The following NALF1 variants were observed in gnomAD, a reference collection of about 807,000 sequenced individuals.
NALF1 encodes family with sequence similarity 155 member A.
Under a neutral mutation model 48.4 loss-of-function variants are expected in NALF1, and 3 were observed. That is an observed-to-expected ratio of 0.06 (90% CI 0.03 to 0.16). The LOEUF is 0.16. Among genes scored for constraint, NALF1 ranks in the 10% least tolerant of loss-of-function variants. The pLI, the probability that NALF1 is intolerant of heterozygous loss-of-function variation, is 1.00. For missense variants in NALF1, 526 were observed against 571.5 expected, an observed-to-expected ratio of 0.92 and a Z score of 0.81; for synonymous variants, 262 against 245.7, an observed-to-expected ratio of 1.07 and a Z score of -0.62.
At chr13:107,631,230 T>A (rs770057319) in intron 1 of NALF1, among the ~76,000 whole-genome samples, 1 of 152,062 alleles carries the variant, frequency 6.6e-6, no homozygotes, top group Admixed American at 6.6e-5. Context: ...TTTTAATGCA[T>A]AAGTAATAAT....
At chr13:107,837,649 G>A (rs965281504) in intron 1 of NALF1, among the ~76,000 whole-genome samples, 1 of 151,934 alleles carries the variant, frequency 6.6e-6, no homozygotes, top group Non-Finnish European at 1.5e-5. Context: ...ATCATCTGGG[G>A]AGGGTTTTGG....
chr13:107,604,520 T>C (rs185031290), intron 1 of NALF1, among the ~76,000 whole-genome samples: 3 of 152,270 alleles, frequency 2.0e-5, no homozygotes, highest in Non-Finnish European at 2.9e-5. Flanking sequence ...TTCAGAAAAG[T>C]ATAGGATGCA....
chr13:107,292,162 C>T (rs918826968), intron 1 of NALF1, among the ~76,000 whole-genome samples: 1 of 152,126 alleles, frequency 6.6e-6, no homozygotes, highest in Non-Finnish European at 1.5e-5. Context: ...CTGAATACTA[C>T]AGGCAAATGC....
At chr13:107,789,719 C>T (rs1878176408) in intron 1 of NALF1, among the ~76,000 whole-genome samples, 1 of 152,150 alleles carries the variant, frequency 6.6e-6, no homozygotes, top group African/African-American at 2.4e-5. Flanking sequence ...GGTGATATAG[C>T]TACAAAGTGG....
chr13:107,806,104 C>T (rs1594280514), intron 1 of NALF1, among the ~76,000 whole-genome samples: 1 of 152,114 alleles, frequency 6.6e-6, no homozygotes, highest in South Asian at 2.1e-4. Context: ...ATATAAACCT[C>T]GAAGTGACCT....
intron 1 of NALF1, among the ~76,000 whole-genome samples, chr13:107,243,401 C>A (rs114971200): frequency 0.013 from 2,035 of 152,288 alleles, 37 homozygotes; most frequent in African/African-American, 0.046. Context: ...CCCTGACCCC[C>A]ATTGTTCCCT....
intron 1 of NALF1, among the ~76,000 whole-genome samples, chr13:107,517,439 G>C (rs1185736134): frequency 1.3e-5 from 2 of 151,728 alleles, no homozygotes; most frequent in Non-Finnish European, 2.9e-5. Context: ...GACCATCCTG[G>C]CTAACATGGT....
intron 1 of NALF1, among the ~76,000 whole-genome samples, chr13:107,245,474 A>G (rs1457601811): frequency 1.3e-5 from 2 of 152,120 alleles, no homozygotes; most frequent in African/African-American, 4.8e-5. Flanking sequence ...CCAAGTAATA[A>G]CTCTGATTTC....
chr13:107,368,988 C>T (rs1382392617), intron 1 of NALF1, among the ~76,000 whole-genome samples: 1 of 152,260 alleles, frequency 6.6e-6, no homozygotes, highest in Non-Finnish European at 1.5e-5. Flanking sequence ...TTTGCACATT[C>T]TATTCCCTTT....
intron 1 of NALF1, among the ~76,000 whole-genome samples, chr13:107,471,319 T>C (rs1298725567): frequency 6.6e-6 from 1 of 152,160 alleles, no homozygotes; most frequent in Non-Finnish European, 1.5e-5. Flanking sequence ...ATAAGACACA[T>C]GTACATATAA....
At chr13:107,258,275 A>T (rs1880860896) in intron 1 of NALF1, among the ~76,000 whole-genome samples, 1 of 152,180 alleles carries the variant, frequency 6.6e-6, no homozygotes, top group African/African-American at 2.4e-5. Context: ...CATTATTTTT[A>T]TATTTTATTG....
intron 1 of NALF1, among the ~76,000 whole-genome samples, chr13:107,581,756 T>A (rs376097665): frequency 6.6e-6 from 1 of 152,210 alleles, no homozygotes; most frequent in East Asian, 1.9e-4. Flanking sequence ...TTGCATCTAT[T>A]TTTCTTCATA....
chr13:107,677,017 C>G (rs150987220), intron 1 of NALF1, among the ~76,000 whole-genome samples: 5 of 149,712 alleles, frequency 3.3e-5, no homozygotes, highest in Non-Finnish European at 7.4e-5. Context: ...TATATATGAC[C>G]AGATAGAATA....
intron 1 of NALF1, among the ~76,000 whole-genome samples, chr13:107,442,692 A>T (rs1458175463): frequency 6.6e-6 from 1 of 152,232 alleles, no homozygotes; most frequent in Non-Finnish European, 1.5e-5. Context: ...AAGGAGAGAT[A>T]TTAAGAAAAC....
chr13:107,178,893 C>T (rs960521536), intron 2 of NALF1, among the ~76,000 whole-genome samples: 1 of 151,606 alleles, frequency 6.6e-6, no homozygotes, highest in Non-Finnish European at 1.5e-5. Flanking sequence ...TGCAGTGAGC[C>T]GCGATCCCGC....
intron 2 of NALF1, among the ~76,000 whole-genome samples, chr13:107,206,817 G>T (rs1361869564): frequency 2.0e-5 from 3 of 152,194 alleles, no homozygotes; most frequent in Admixed American, 2.0e-4. Flanking sequence ...GCCATGTGCA[G>T]TTACGTGCTT....
chr13:107,715,196 TTCTC>T (rs893387602), intron 1 of NALF1, among the ~76,000 whole-genome samples: 14 of 152,024 alleles, frequency 9.2e-5, no homozygotes, highest in African/African-American at 2.4e-4. Context: ...ATTTCTTTCT[TTCTC>T]TCTCTTTCTT....
chr13:107,502,625 G>A (rs144852876), intron 1 of NALF1, among the ~76,000 whole-genome samples: 7 of 152,118 alleles, frequency 4.6e-5, no homozygotes, highest in South Asian at 2.1e-4. Context: ...GAAAACTTCC[G>A]TCAGATATTA....
rs369914277 is a variant in NALF1 at position 107,569,455 on chromosome 13, C to G, written c.915+296227G>C. On this transcript the variant is annotated intron_variant, in intron 1 of 2. Transcript: ENST00000375915. ...CCACCGCACTCCAGCCTGGGCGACACAGCGAGACTCCGTCTCAAAAAAAAA... is the reference window on the plus strand; with the variant it reads ...CCACCGCACTCCAGCCTGGGCGACAGAGCGAGACTCCGTCTCAAAAAAAAA... Among the ~76,000 whole-genome samples the G allele has an allele frequency of 7.4e-4, 112 of 151,638 alleles. 2 individuals are homozygous for G. In the East Asian group the frequency reaches 0.016, roughly 22 times the overall value.
Sources: gnomAD v4.1 joint callset for allele counts (sites outside exome capture counted in the v4.1 genomes callset) on GRCh38, gnomAD v4.1.1 for gene constraint, MANE v1.5 for transcripts, NCBI Gene and HGNC (gene_info 2026-07-23, HGNC 2026-07-21) for gene names.